The following NCKAP5 variants were observed in gnomAD, a reference collection of about 807,000 sequenced individuals.
NCKAP5 encodes the protein nck-associated protein 5.
Under a neutral mutation model 167.0 loss-of-function variants are expected in NCKAP5, and 92 were observed. The ratio of observed to expected loss-of-function variants is 0.55; its 90% CI spans 0.47 to 0.66. The LOEUF is 0.66. Ranked by LOEUF, NCKAP5 falls within the 30% of genes least tolerant of loss-of-function variation. The pLI is 0.00. For synonymous variants in NCKAP5, 891 were observed against 877.4 expected, an observed-to-expected ratio of 1.02 and a Z score of -0.27; for missense variants, 2,378 against 2,315.0, an observed-to-expected ratio of 1.03 and a Z score of -0.56.
At chr2:132,807,591 T>C (rs1428988781) in intron 11 of NCKAP5, among the ~76,000 whole-genome samples, 1 of 152,170 alleles carries the variant, frequency 6.6e-6, no homozygotes, top group Non-Finnish European at 1.5e-5. Flanking sequence ...AACAACTGAT[T>C]TGTGTACATT....
intron 8 of NCKAP5, among the ~76,000 whole-genome samples, chr2:132,932,288 G>A (rs1696438075): frequency 6.6e-6 from 1 of 152,130 alleles, no homozygotes; most frequent in Admixed American, 6.6e-5. Context: ...TTTCTGATCT[G>A]GAGAAGTATC....
At chr2:133,223,436 TG>T (rs1383438643) in intron 4 of NCKAP5, among the ~76,000 whole-genome samples, 1 of 152,052 alleles carries the variant, frequency 6.6e-6, no homozygotes, top group Non-Finnish European at 1.5e-5. Flanking sequence ...GCCATGACAA[TG>T]TCGAGTGCCA....
chr2:133,186,293 C>T (rs545238008), intron 5 of NCKAP5, among the ~76,000 whole-genome samples: 1 of 152,244 alleles, frequency 6.6e-6, no homozygotes, highest in South Asian at 2.1e-4. Context: ...CCTTGCATCT[C>T]AGGAATAAAG....
At chr2:132,745,910 A>G (rs1486900627) in intron 16 of NCKAP5, among the ~76,000 whole-genome samples, 3 of 152,094 alleles carry the variant, frequency 2.0e-5, no homozygotes, top group Non-Finnish European at 4.4e-5. Flanking sequence ...AAAACATTGT[A>G]GAGATAAATT....
intron 3 of NCKAP5, among the ~76,000 whole-genome samples, chr2:133,413,997 C>T (rs755248667): frequency 6.6e-6 from 1 of 152,208 alleles, no homozygotes; most frequent in African/African-American, 2.4e-5. Context: ...ACAAGGACAT[C>T]TCACTATCCT....
At chr2:133,192,974 A>C (rs2085292164) in intron 5 of NCKAP5, among the ~76,000 whole-genome samples, 1 of 152,136 alleles carries the variant, frequency 6.6e-6, no homozygotes, top group South Asian at 2.1e-4. Flanking sequence ...TCATAAATAA[A>C]GCCCCAAACT....
chr2:132,905,826 A>G (rs1693967838), intron 8 of NCKAP5, among the ~76,000 whole-genome samples: 1 of 152,114 alleles, frequency 6.6e-6, no homozygotes, highest in African/African-American at 2.4e-5. Context: ...ATGCTCTTCC[A>G]ATTGATTTTC....
At chr2:132,841,281 T>C (rs1688277729) in intron 11 of NCKAP5, among the ~76,000 whole-genome samples, 2 of 152,144 alleles carry the variant, frequency 1.3e-5, no homozygotes, top group Non-Finnish European at 2.9e-5. Flanking sequence ...AAATATATTA[T>C]AATTTTAGTC....
At position 132,994,160 on chromosome 2, in the gene NCKAP5, C is replaced by A; in HGVS notation, c.421G>T (p.Val141Phe). ...QKKEETVNIM[V>F]YQEKLSEEER... ...TAATAAACATGGTGTACCTGATAGA[C>A]CATTATATTAACAGTTTCTTCTTTT... is the stretch of plus-strand genomic sequence containing the variant. Residue 141 changes from valine (V) to phenylalanine (F), a missense_variant, in exon 7 of 20, where the codon GTC becomes TTC. This residue lies in a region of NCKAP5 where 1,049 missense variants were observed against 1,023.4 expected (regional missense o/e 1.02). Coordinates refer to ENST00000409261, the MANE Select transcript of NCKAP5 (RefSeq NM_207363.3). 1 of 1,572,682 alleles carries A rather than the reference C, an allele frequency of 6.4e-7. No individual in the cohort carries two copies.
At chr2:132,989,017 C>T (rs1450084355) in intron 7 of NCKAP5, among the ~76,000 whole-genome samples, 3 of 152,202 alleles carry the variant, frequency 2.0e-5, no homozygotes, top group African/African-American at 7.2e-5. Context: ...CTTGTCCATT[C>T]ACCTTCTTTC....
At chr2:133,468,911 C>G (rs1367146909) in intron 3 of NCKAP5, among the ~76,000 whole-genome samples, 1 of 152,102 alleles carries the variant, frequency 6.6e-6, no homozygotes, top group Admixed American at 6.5e-5. Context: ...TGTCTCTGAA[C>G]GTAAGATGGG....
At chr2:133,593,420 T>C in the NCKAP5 span, among the ~76,000 whole-genome samples, 1 of 151,984 alleles carries the variant, frequency 6.6e-6, no homozygotes, top group East Asian at 1.9e-4. Context: ...TGTCTTCTGT[T>C]ATCATTACTG....
intron 4 of NCKAP5, among the ~76,000 whole-genome samples, chr2:133,246,573 C>T (rs1460089781): frequency 6.6e-6 from 1 of 152,196 alleles, no homozygotes; most frequent in African/African-American, 2.4e-5. Context: ...GTAAGGAATA[C>T]ATACAATGGC....
At chr2:133,273,797 C>CA (rs1264100518) in intron 4 of NCKAP5, among the ~76,000 whole-genome samples, 7 of 135,154 alleles carry the variant, frequency 5.2e-5, no homozygotes, top group Non-Finnish European at 8.2e-5. Flanking sequence ...TATTAATTTC[C>CA]AAAAAAAAAT....
intron 5 of NCKAP5, among the ~76,000 whole-genome samples, chr2:133,205,205 G>T (rs2085889504): frequency 6.6e-6 from 1 of 152,004 alleles, no homozygotes; most frequent in Admixed American, 6.6e-5. Context: ...AGGCAGGTGG[G>T]TCGCTTGAGC....
At chr2:133,072,803 G>A (rs966464816) in intron 6 of NCKAP5, among the ~76,000 whole-genome samples, 8 of 152,160 alleles carry the variant, frequency 5.3e-5, no homozygotes, top group East Asian at 3.9e-4. Context: ...ACCAAGTCAC[G>A]TTTGAGAAAC....
At chr2:132,895,167 T>C (rs1693061072) in intron 8 of NCKAP5, among the ~76,000 whole-genome samples, 1 of 151,522 alleles carries the variant, frequency 6.6e-6, no homozygotes, top group South Asian at 2.1e-4. Flanking sequence ...CCGTCTCTAC[T>C]AAAAATACAA....
chr2:133,001,186 G>A (rs531287179), intron 6 of NCKAP5, among the ~76,000 whole-genome samples: 5 of 149,918 alleles, frequency 3.3e-5, no homozygotes, highest in African/African-American at 1.2e-4. Flanking sequence ...TGATATATAT[G>A]TACACCTTGG....
chr2:133,300,210 C>T (rs1574640780), intron 4 of NCKAP5, among the ~76,000 whole-genome samples: 1 of 122,994 alleles, frequency 8.1e-6, no homozygotes, highest in Non-Finnish European at 1.7e-5. Context: ...CAAGGAGGAA[C>T]TGGTACCATT....
Sources: gnomAD v4.1 joint callset for allele counts (sites outside exome capture counted in the v4.1 genomes callset) on GRCh38, gnomAD v4.1.1 for gene constraint, gnomAD v4.1.1 regional missense constraint, MANE v1.5 for transcripts, NCBI Gene and HGNC (gene_info 2026-07-23, HGNC 2026-07-21) for gene names.